The following AMPH variants were observed in gnomAD, a reference collection of about 807,000 sequenced individuals.
AMPH encodes the protein amphiphysin (Stiff-Mann syndrome with breast cancer 128kD autoantigen).
AMPH carries 49 observed loss-of-function variants against 99.1 expected under a neutral mutation model. The observed-to-expected ratio is 0.49, with a 90% confidence interval of 0.39 to 0.63. The LOEUF (loss-of-function observed/expected upper bound fraction) is 0.63. AMPH is among the 20% of genes least tolerant of loss of function. AMPH has a pLI of 0.00. For missense variants in AMPH, 759 were observed against 863.4 expected, an observed-to-expected ratio of 0.88 and a Z score of 1.52; for synonymous variants, 314 against 317.3, an observed-to-expected ratio of 0.99 and a Z score of 0.11.
At chr7:38,406,731 CCTCT>C (rs56738810) in intron 17 of AMPH, among the ~76,000 whole-genome samples, 919 of 80,488 alleles carry the variant, frequency 0.011, 7 homozygotes, top group Admixed American at 0.016. Context: ...TCTCCCTTTC[CCTCT>C]CTCTCTCTCT....
At chr7:38,628,177 C>T (rs1012925085) in intron 1 of AMPH, among the ~76,000 whole-genome samples, 3 of 152,142 alleles carry the variant, frequency 2.0e-5, no homozygotes, top group East Asian at 1.9e-4. Flanking sequence ...AACAAAAACA[C>T]GAATGCACAA....
intron 1 of AMPH, among the ~76,000 whole-genome samples, chr7:38,626,898 A>G (rs1794267106): frequency 6.6e-6 from 1 of 152,236 alleles, no homozygotes; most frequent in Non-Finnish European, 1.5e-5. Context: ...TTTTACTAAC[A>G]TATTTTTTAA....
intron 9 of AMPH, chr7:38,463,955 G>C (rs1030061389): frequency 5.2e-5 from 40 of 774,412 alleles, no homozygotes; most frequent in Middle Eastern, 5.5e-4. Context: ...ATATTCAAAG[G>C]GCTGAGGAAA....
At chr7:38,432,349 G>A (rs1269176718) in intron 12 of AMPH, 137 bp from the exon 13 acceptor site, 8 of 714,212 alleles carry the variant, frequency 1.1e-5, no homozygotes, top group South Asian at 1.8e-5. Context: ...ACTTTTTTTG[G>A]TGAAGGAAAT....
intron 11 of AMPH, among the ~76,000 whole-genome samples, chr7:38,447,924 T>C (rs1562762016): frequency 6.6e-6 from 1 of 152,176 alleles, no homozygotes. Context: ...CTTTACTATA[T>C]CCTAAGTATT....
intron 1 of AMPH, among the ~76,000 whole-genome samples, chr7:38,591,283 TC>T (rs1792845818): frequency 8.2e-6 from 1 of 122,548 alleles, no homozygotes; most frequent in Admixed American, 7.8e-5. Flanking sequence ...CTTTTCTTTT[TC>T]TTTTTCTTTT....
chr7:38,570,054 T>C (rs1040025790), intron 1 of AMPH, among the ~76,000 whole-genome samples: 3 of 152,182 alleles, frequency 2.0e-5, no homozygotes, highest in Admixed American at 1.3e-4. Context: ...AAGTAGATTA[T>C]AACACTGCAA....
rs572823234 is a variant in AMPH, at chr7:38,610,374, AAAGG to A, written c.69+20905_69+20908del. ...AAAAGAAAAGAAAAGAAAAGAAAAG[AAAGG>A]AAAGGAAAAGAAAAGAAAAGAAAAG... On this transcript the variant is annotated intron_variant, in intron 1 of 20. Coordinates refer to ENST00000356264, the MANE Select transcript of AMPH (RefSeq NM_001635.4). Among the ~76,000 whole-genome samples, 3 of 51,862 alleles carry A rather than the reference AAAGG, an allele frequency of 5.8e-5. 1 individual carries two copies. The highest frequency in any genetic ancestry group is 9.3e-5 in the African/African-American group (1 of 10,792). 34.0% of individuals were successfully genotyped at this position (51,862 alleles called of 152,430 possible). A position where few individuals can be genotyped will look rare whatever the true frequency, so the allele number is the denominator to read the frequency against.
At chr7:38,562,005 G>C (rs1209385998) in intron 1 of AMPH, among the ~76,000 whole-genome samples, 5 of 148,554 alleles carry the variant, frequency 3.4e-5, no homozygotes, top group African/African-American at 1.3e-4. Context: ...GGCTGACTAA[G>C]ACAGAAGACT....
chr7:38,592,078 T>C (rs1270602111), intron 1 of AMPH, among the ~76,000 whole-genome samples: 1 of 152,186 alleles, frequency 6.6e-6, no homozygotes, highest in African/African-American at 2.4e-5. Flanking sequence ...GTATTCCTTA[T>C]GGAAAACAAA....
intron 11 of AMPH, among the ~76,000 whole-genome samples, chr7:38,455,755 A>G (rs909304433): frequency 1.3e-5 from 2 of 152,160 alleles, no homozygotes; most frequent in Admixed American, 1.3e-4. Context: ...CAGAGAGAGA[A>G]CTCACAAGGA....
At chr7:38,405,221 A>G (rs1784950321) in intron 17 of AMPH, among the ~76,000 whole-genome samples, 2 of 152,230 alleles carry the variant, frequency 1.3e-5, no homozygotes, top group African/African-American at 4.8e-5. Flanking sequence ...AGTTCTCAAC[A>G]TGGAAGGGGA....
At chr7:38,405,716 T>C (rs578220998) in intron 17 of AMPH, among the ~76,000 whole-genome samples, 1 of 152,240 alleles carries the variant, frequency 6.6e-6, no homozygotes, top group East Asian at 1.9e-4. Flanking sequence ...CACCCAGATT[T>C]ATAAAATAAA....
intron 2 of AMPH, among the ~76,000 whole-genome samples, chr7:38,522,995 C>T (rs1282118672): frequency 6.6e-6 from 1 of 151,716 alleles, no homozygotes; most frequent in Non-Finnish European, 1.5e-5. Context: ...GTAATCCCAG[C>T]TACTCGGGAG....
intron 1 of AMPH, among the ~76,000 whole-genome samples, chr7:38,587,681 A>C (rs531239838): frequency 1.7e-3 from 252 of 152,332 alleles, no homozygotes; most frequent in Non-Finnish European, 2.7e-3. Flanking sequence ...TAGTACAAGA[A>C]GGTGGTGCAA....
At chr7:38,608,186 G>A (rs945469420) in intron 1 of AMPH, among the ~76,000 whole-genome samples, 5 of 152,088 alleles carry the variant, frequency 3.3e-5, no homozygotes, top group Non-Finnish European at 5.9e-5. Context: ...AAGAGCACCC[G>A]TGGGTGTTGC....
chr7:38,462,204 T>A (rs1325099592), intron 10 of AMPH, among the ~76,000 whole-genome samples: 1 of 152,244 alleles, frequency 6.6e-6, no homozygotes, highest in African/African-American at 2.4e-5. Flanking sequence ...TGTAGGCTAA[T>A]GTTAAGCGTT....
intron 2 of AMPH, among the ~76,000 whole-genome samples, chr7:38,520,018 CA>C (rs943332112): frequency 7.5e-4 from 114 of 151,904 alleles, no homozygotes; most frequent in African/African-American, 2.6e-3. Flanking sequence ...AAATAAAAAT[CA>C]AAAAAATAAA....
chr7:38,615,321 C>A (rs1302612265), intron 1 of AMPH, among the ~76,000 whole-genome samples: 1 of 152,100 alleles, frequency 6.6e-6, no homozygotes. Flanking sequence ...AGGGGAAACA[C>A]CCAATTCTTT....
Sources: gnomAD v4.1 joint callset for allele counts (sites outside exome capture counted in the v4.1 genomes callset) on GRCh38, gnomAD v4.1.1 for gene constraint, MANE v1.5 for transcripts, NCBI Gene and HGNC (gene_info 2026-07-23, HGNC 2026-07-21) for gene names.